ARMH3: variants seen among roughly 807,000 people sequenced by gnomAD.
ARMH3 encodes armadillo like helical domain containing 3.
Under a neutral mutation model 99.1 loss-of-function variants are expected in ARMH3, and 60 were observed. The observed-to-expected ratio is 0.61, with a 90% CI of 0.49 to 0.75. The LOEUF is 0.75. ARMH3 is among the 30% of genes least tolerant of loss of function. ARMH3 has a pLI of 0.00. For missense variants in ARMH3, 679 were observed against 843.1 expected, an observed-to-expected ratio of 0.81 and a Z score of 2.41; for synonymous variants, 285 against 292.8, an observed-to-expected ratio of 0.97 and a Z score of 0.27.
At chr10:102,043,841 G>A (rs2067478319) in intron 1 of ARMH3, among the ~76,000 whole-genome samples, 1 of 152,148 alleles carries the variant, frequency 6.6e-6, no homozygotes, top group Admixed American at 6.6e-5. Flanking sequence ...ATCAATGAAG[G>A]CTTTTATTCC....
intron 19 of ARMH3, among the ~76,000 whole-genome samples, chr10:101,976,412 T>A (rs868862138): frequency 5.1e-4 from 72 of 141,914 alleles, no homozygotes; most frequent in Middle Eastern, 3.7e-3. Context: ...TCTCTCTCTC[T>A]CACACACACA....
chr10:101,881,108 T>A (rs974232858), intron 24 of ARMH3, among the ~76,000 whole-genome samples: 1 of 152,218 alleles, frequency 6.6e-6, no homozygotes. Context: ...GAATAACCTG[T>A]TTTGTCATAA....
In ARMH3 at chr10:102,029,666, C is replaced by A; in HGVS notation, c.386G>T (p.Gly129Val). The change falls in exon 5 of 26, where the codon GGC becomes GTC. Residue 129 changes from glycine to valine, a missense_variant. By Grantham distance (109) the Gly-to-Val change is moderately radical. Around this residue, in one of 3 missense-constraint regions of ARMH3, gnomAD observed 280 missense variants for 354.6 expected, o/e 0.79. Coordinates refer to ENST00000370033, the MANE Select transcript of ARMH3 (RefSeq NM_024541.3). ...CATGCACAGCTCCGCCTTGTCAAAG[C>A]CCATCAGCATGTTGATAATGTCAAA... is the stretch of plus-strand genomic sequence containing the variant. ...SGFDIINMLM[G>V]FDKAELCMKN... 6.2e-7 allele frequency: 1 copy of A among 1,614,212 alleles called. No individual in the cohort carries two copies. Among genetic ancestry groups the A allele is most frequent in the Non-Finnish European group, 8.5e-7 (1 of 1,180,044 alleles).
In ARMH3 at chr10:101,871,266, C is replaced by T. The variant is rs566220060; in HGVS notation, c.1860+18146G>A. The stretch of plus-strand genomic sequence containing the variant: ...ATTATTAAAAGTATCAATTCTCTTC[C>T]AAGTCATCTATAGAGTTAATGCAAT... On this transcript the variant is annotated intron_variant, in intron 24 of 25. Transcript: ENST00000370033. Among the ~76,000 whole-genome samples, 322 of 152,178 alleles carry T rather than the reference C, an allele frequency of 2.1e-3. 1 individual carries two copies. Among genetic ancestry groups the T allele is most frequent in the Non-Finnish European group, 2.9e-3 (197 of 68,002 alleles).
intron 22 of ARMH3, among the ~76,000 whole-genome samples, chr10:101,947,506 A>C (rs1844586667): frequency 1.3e-5 from 2 of 151,754 alleles, no homozygotes. Flanking sequence ...TCTCCTAAAA[A>C]CTAAAAAAAA....
At chr10:101,974,165 C>T (rs751525676) in intron 20 of ARMH3, among the ~76,000 whole-genome samples, 1 of 152,176 alleles carries the variant, frequency 6.6e-6, no homozygotes, top group Admixed American at 6.5e-5. Context: ...CCCTTTACCA[C>T]CATAGGCAGT....
intron 1 of ARMH3, among the ~76,000 whole-genome samples, chr10:102,046,755 C>T (rs143084038): frequency 1.6e-4 from 25 of 151,708 alleles, no homozygotes; most frequent in African/African-American, 6.0e-4. Flanking sequence ...CTCCACTATG[C>T]TATACTGTAT....
chr10:101,935,181 A>ATATATATATATATG (rs1843905540), intron 23 of ARMH3, among the ~76,000 whole-genome samples: 1 of 145,598 alleles, frequency 6.9e-6, no homozygotes, highest in African/African-American at 2.5e-5. Context: ...AGCAATATAT[A>ATATATATATATATG]TATATATATA....
At chr10:102,051,383 G>T (rs777621965) in intron 1 of ARMH3, among the ~76,000 whole-genome samples, 1 of 151,148 alleles carries the variant, frequency 6.6e-6, no homozygotes, top group Non-Finnish European at 1.5e-5. Flanking sequence ...TGAGGCAGGA[G>T]AATCACTTGA....
At position 101,944,291 on chromosome 10, in the gene ARMH3, G is replaced by T. The variant is rs1238428532; in HGVS notation, c.1706-4353C>A. ...ATATATATAGAGAGAGAGAGAGAGA[G>T]AGAGAGAGAGAGAGAGAGAGAGAGA... On this transcript the variant is annotated intron_variant, in intron 22 of 25. Transcript: ENST00000370033. Among the ~76,000 whole-genome samples, 592 of 80,578 alleles carry T rather than the reference G, an allele frequency of 7.3e-3. 3 individuals are homozygous for T. The highest frequency in any genetic ancestry group is 0.03 in the East Asian group (57 of 1,894). The allele number at this position is 80,578 out of a possible 152,430, so 52.9% of individuals were successfully genotyped here.
intron 19 of ARMH3, among the ~76,000 whole-genome samples, chr10:101,989,857 G>A (rs1846693366): frequency 6.6e-6 from 1 of 152,244 alleles, no homozygotes; most frequent in African/African-American, 2.4e-5. Flanking sequence ...TCAGGACAAT[G>A]TAGGCTAAGA....
chr10:101,949,669 T>C (rs1253900120), intron 22 of ARMH3, among the ~76,000 whole-genome samples: 3 of 152,078 alleles, frequency 2.0e-5, no homozygotes, highest in African/African-American at 7.2e-5. Context: ...TTAAACAAAT[T>C]CTTCTAGAAA....
intron 2 of ARMH3, among the ~76,000 whole-genome samples, chr10:102,038,344 TC>T (rs1175263942): frequency 3.3e-5 from 5 of 152,044 alleles, no homozygotes; most frequent in Admixed American, 1.3e-4. Flanking sequence ...TCCGCCCACC[TC>T]GGCCTCCCAA....
chr10:101,975,304 T>A lies in ARMH3; in HGVS notation c.1407-4A>T. On this transcript the variant is annotated splice_polypyrimidine_tract_variant and splice_region_variant and intron_variant, in intron 19 of 25. Transcript: ENST00000370033. ...GTGTACTACCTGGATGCAGCGTCTG[T>A]AACAGGGAAAGCAAAAAATGAGGGT... is the stretch of plus-strand genomic sequence containing the variant. 1 of 1,611,402 alleles carries A rather than the reference T, an allele frequency of 6.2e-7. No individual in the cohort carries two copies. Among genetic ancestry groups the A allele is most frequent in the Non-Finnish European group, 8.5e-7 (1 of 1,178,246 alleles).
At chr10:102,039,878 C>T in intron 2 of ARMH3, 135 bp downstream of exon 2, 1 of 751,954 alleles carries the variant, frequency 1.3e-6, no homozygotes, top group Non-Finnish European at 2.2e-6. Context: ...CATTTTTGCC[C>T]TCAAACCCTC....
chr10:102,033,522 C>A, intron 2 of ARMH3, 183 bp from the exon 3 acceptor site: 1 of 593,072 alleles, frequency 1.7e-6, no homozygotes, highest in Non-Finnish European at 2.8e-6. Context: ...GGGTTCACGC[C>A]ATTCCCCCGC....
intron 5 of ARMH3, among the ~76,000 whole-genome samples, chr10:102,026,965 G>A (rs1273351319): frequency 6.6e-6 from 1 of 152,068 alleles, no homozygotes; most frequent in Non-Finnish European, 1.5e-5. Context: ...GGCATATAGG[G>A]GCCCAACAAA....
chr10:102,014,162 A>C, intron 8 of ARMH3, 138 bp from the exon 9 acceptor site: 1 of 625,268 alleles, frequency 1.6e-6, no homozygotes, highest in Non-Finnish European at 2.8e-6. Context: ...GTCCCAATCC[A>C]TATTGCCTGC....
chr10:102,013,063 C>T (rs937644090), intron 9 of ARMH3, among the ~76,000 whole-genome samples, 187 bp from the exon 10 acceptor site: 4 of 152,182 alleles, frequency 2.6e-5, no homozygotes, highest in Admixed American at 1.3e-4. Flanking sequence ...GAAGACTTTT[C>T]GTATCTAATT....
Sources: gnomAD v4.1 joint callset for allele counts (sites outside exome capture counted in the v4.1 genomes callset) on GRCh38, gnomAD v4.1.1 for gene constraint, gnomAD v4.1.1 regional missense constraint, MANE v1.5 for transcripts, NCBI Gene and HGNC (gene_info 2026-07-23, HGNC 2026-07-21) for gene names.